The following PUDP variants were observed in gnomAD, a reference collection of about 807,000 sequenced individuals.
PUDP encodes pseudouridine 5'-phosphatase, also known as pseudouridine-5'-phosphatase.
PUDP carries 8 observed loss-of-function variants against 9.4 expected under a neutral mutation model. The observed-to-expected ratio is 0.85, with a 90% CI of 0.50 to 1.53. The LOEUF is 1.53. Among genes scored for constraint, PUDP ranks in the 40% most tolerant of loss-of-function variants. PUDP has a pLI of 0.00. For missense variants in PUDP, 188 were observed against 189.7 expected, an observed-to-expected ratio of 0.99 and a Z score of 0.05; for synonymous variants, 99 against 80.7, an observed-to-expected ratio of 1.23 and a Z score of -1.22.
At chrX:7,129,663 C>T (rs1932569956) in intron 1 of PUDP, among the ~76,000 whole-genome samples, 1 of 112,078 alleles carries the variant, frequency 8.9e-6, no homozygotes, top group South Asian at 3.7e-4. Flanking sequence ...CAGGGAAGTG[C>T]CATTTACTAA....
chrX:6,973,677 T>G (rs1227382598), intron 3 of PUDP, among the ~76,000 whole-genome samples: 1 of 111,960 alleles, frequency 8.9e-6, no homozygotes, highest in Non-Finnish European at 1.9e-5. Context: ...AGAATGTATA[T>G]TCTGTTGATT....
At chrX:6,939,128 A>G (rs1181337504) in intron 3 of PUDP, among the ~76,000 whole-genome samples, 2 of 110,250 alleles carry the variant, frequency 1.8e-5, no homozygotes, top group Non-Finnish European at 3.8e-5. Context: ...AGGAAATCCA[A>G]TTGCTTTTCC....
At chrX:7,108,678 T>C (rs762330676) in intron 1 of PUDP, among the ~76,000 whole-genome samples, 1 of 112,408 alleles carries the variant, frequency 8.9e-6, no homozygotes, top group African/African-American at 3.2e-5. Context: ...CACTATAATA[T>C]TTTTCTCCTT....
At chrX:7,146,340 T>C (rs1480919884) in intron 1 of PUDP, among the ~76,000 whole-genome samples, 1 of 111,960 alleles carries the variant, frequency 8.9e-6, no homozygotes, top group Non-Finnish European at 1.9e-5. Flanking sequence ...AAATTTAATT[T>C]TAATGAGACA....
At chrX:6,720,258 G>GTGTATATATATATATATATATATA (rs1555907522) in intron 1 of PUDP, among the ~76,000 whole-genome samples, 1 of 48,805 alleles carries the variant, frequency 2.0e-5, no homozygotes, top group Non-Finnish European at 3.4e-5. Context: ...GTGTGTGTGT[G>GTGTATATATATATATATATATATA]TATATATATA....
chrX:7,148,080 T>G lies in PUDP; in HGVS notation c.34A>C (p.Ile12Leu). 31 of 1,131,695 alleles carry G rather than the reference T, an allele frequency of 2.7e-5. No homozygotes were observed. Among genetic ancestry groups the G allele is most frequent in the Non-Finnish European group, 3.5e-5 (30 of 854,074 alleles). The allele number at this position is 1,131,695 out of a possible 1,213,427, so 93.3% of individuals were successfully genotyped here. A position where few individuals can be genotyped will look rare whatever the true frequency, so the allele number is the denominator to read the frequency against. The change falls in exon 1 of 4, where the codon ATC (isoleucine) becomes CTC (leucine). Residue 12 changes from isoleucine (I) to leucine (L), a missense_variant. Coordinates refer to ENST00000381077, the MANE Select transcript of PUDP (RefSeq NM_012080.5). The stretch of plus-strand genomic sequence containing the variant: ...AGAAGAAGTCCGTCCATGTCAAAGA[T>G]GAGGTGGGTGACGGGCTGCGGGGGC... ...AAPPQPVTHL[I>L]FDMDGLLLDT... is the part of the protein sequence containing the mutation.
At chrX:6,781,392 T>C (rs1423159810) in intron 3 of PUDP, among the ~76,000 whole-genome samples, 2 of 111,944 alleles carry the variant, frequency 1.8e-5, no homozygotes, top group Non-Finnish European at 3.8e-5. Context: ...GATCAATCTG[T>C]GTCACATGAT....
chrX:6,854,933 T>G (rs1194917858), intron 3 of PUDP, among the ~76,000 whole-genome samples: 2 of 112,091 alleles, frequency 1.8e-5, no homozygotes, highest in African/African-American at 3.2e-5. Context: ...ATTATCTATT[T>G]CAAGTTCAAC....
chrX:7,143,794 C>A (rs1311616153), intron 1 of PUDP, among the ~76,000 whole-genome samples: 1 of 112,094 alleles, frequency 8.9e-6, no homozygotes, highest in Non-Finnish European at 1.9e-5. Flanking sequence ...TCATTGATCA[C>A]CCTGTAGTGA....
At chrX:7,123,742 T>C (rs1221965474) in intron 1 of PUDP, among the ~76,000 whole-genome samples, 7 of 111,588 alleles carry the variant, frequency 6.3e-5, no homozygotes, top group African/African-American at 2.3e-4. Flanking sequence ...GCTATAGTAA[T>C]ATCAGACAAA....
chrX:7,137,100 G>A (rs1932756429), intron 1 of PUDP, among the ~76,000 whole-genome samples: 1 of 110,917 alleles, frequency 9.0e-6, no homozygotes, highest in African/African-American at 3.3e-5. Context: ...AATTAGCTGG[G>A]TGTGGTGGCA....
intron 1 of PUDP, among the ~76,000 whole-genome samples, chrX:6,986,013 C>T (rs1307796578): frequency 9.0e-6 from 1 of 111,288 alleles, no homozygotes; most frequent in African/African-American, 3.3e-5. Flanking sequence ...AGAGAGTGAC[C>T]TCTGGTCGTC....
intron 3 of PUDP, among the ~76,000 whole-genome samples, chrX:6,813,100 AAGAAAGAGAG>A (rs1194938433): frequency 1.4e-4 from 15 of 109,925 alleles, no homozygotes; most frequent in Admixed American, 3.9e-4. Context: ...TCTTGAAAGC[AAGAAAGAGAG>A]AGAAAGAGAG....
At chrX:7,062,072 A>T (rs746470739) in intron 3 of PUDP, among the ~76,000 whole-genome samples, 2 of 112,391 alleles carry the variant, frequency 1.8e-5, no homozygotes, top group Admixed American at 1.9e-4. Context: ...GATTCATCAG[A>T]AATGCATATT....
At chrX:6,815,837 C>T (rs1926221367) in intron 3 of PUDP, among the ~76,000 whole-genome samples, 1 of 109,471 alleles carries the variant, frequency 9.1e-6, no homozygotes, top group African/African-American at 3.3e-5. Context: ...TATACCAAAT[C>T]CTCCCATAAC....
At chrX:6,859,956 C>G (rs1327450206) in intron 3 of PUDP, among the ~76,000 whole-genome samples, 3 of 112,437 alleles carry the variant, frequency 2.7e-5, no homozygotes, top group African/African-American at 9.7e-5. Flanking sequence ...AATGCCGTAT[C>G]TCAGTGAATT....
intron 2 of PUDP, among the ~76,000 whole-genome samples, chrX:7,102,328 A>C (rs1429275256): frequency 9.1e-6 from 1 of 109,815 alleles, no homozygotes; most frequent in African/African-American, 3.3e-5. Flanking sequence ...AAAAAAAAAA[A>C]AAAAAACAAA....
intron 1 of PUDP, among the ~76,000 whole-genome samples, chrX:7,013,330 C>T (rs773328436): frequency 8.9e-6 from 1 of 111,890 alleles, no homozygotes; most frequent in East Asian, 2.8e-4. Context: ...CTCCTAGAAT[C>T]CGGGATCTAA....
intron 3 of PUDP, among the ~76,000 whole-genome samples, chrX:6,909,570 C>G (rs1213470127): frequency 8.9e-6 from 1 of 112,023 alleles, no homozygotes; most frequent in Non-Finnish European, 1.9e-5. Flanking sequence ...TCCTTCACAT[C>G]TGATCTGTGG....
Sources: allele counts gnomAD v4.1 joint callset (sites outside exome capture counted in the v4.1 genomes callset), GRCh38; gene constraint gnomAD v4.1.1; transcripts MANE v1.5; gene names NCBI Gene and HGNC (gene_info 2026-07-23, HGNC 2026-07-21).